The following ROBO2 variants were observed in gnomAD, a reference collection of about 807,000 sequenced individuals.
ROBO2 encodes roundabout homolog 2.
ROBO2 carries 53 observed loss-of-function variants against 160.8 expected under a neutral mutation model. The observed-to-expected ratio is 0.33, with a 90% CI of 0.26 to 0.41. The LOEUF (loss-of-function observed/expected upper bound fraction) is 0.41. ROBO2 is among the 10% of genes least tolerant of loss of function. The pLI, the probability that ROBO2 is intolerant of heterozygous loss-of-function variation, is 1.00. For synonymous variants in ROBO2, 664 were observed against 611.7 expected, an observed-to-expected ratio of 1.09 and a Z score of -1.26; for missense variants, 1,577 against 1,722.4, an observed-to-expected ratio of 0.92 and a Z score of 1.49.
At position 75,937,621 on chromosome 3, in the gene ROBO2, T is replaced by C. The variant is rs754140601; in HGVS notation, c.109+19T>C. ...GGCCAAGGTAAGTGCAAGGATGTTC[T>C]AATTCTTTGAGAGTTGGATGCGAAT... On this transcript the variant is annotated intron_variant, in intron 2 of 26. Transcript: ENST00000487694. The C allele has an allele frequency of 9.8e-6, 14 of 1,431,274 alleles. No homozygotes were observed. In the East Asian group the frequency reaches 3.2e-4, roughly 32 times the overall value. 88.7% of individuals were successfully genotyped at this position (1,431,274 alleles called of 1,614,324 possible).
intron 2 of ROBO2, among the ~76,000 whole-genome samples, chr3:76,996,147 T>A (rs1224269026): frequency 1.3e-5 from 2 of 152,182 alleles, no homozygotes; most frequent in Non-Finnish European, 2.9e-5. Context: ...AAGGAAGGGA[T>A]CCAGTTTCAG....
intron 2 of ROBO2, among the ~76,000 whole-genome samples, chr3:76,192,460 A>G (rs548876523): frequency 6.6e-6 from 1 of 151,240 alleles, no homozygotes; most frequent in East Asian, 2.0e-4. Flanking sequence ...TATTATTTTA[A>G]TTTCTAATTC....
At chr3:77,340,533 G>T (rs1201489852) in intron 2 of ROBO2, among the ~76,000 whole-genome samples, 2 of 151,982 alleles carry the variant, frequency 1.3e-5, no homozygotes, top group Non-Finnish European at 2.9e-5. Context: ...GGCAAAATAG[G>T]GTAAAAATTG....
chr3:76,024,190 A>T (rs1372659041), intron 2 of ROBO2, among the ~76,000 whole-genome samples: 1 of 151,478 alleles, frequency 6.6e-6, no homozygotes, highest in Admixed American at 6.6e-5. Context: ...TATAACATTA[A>T]AATGAGCCAT....
chr3:77,543,039 C>T (rs2092543922), intron 6 of ROBO2, among the ~76,000 whole-genome samples: 1 of 151,996 alleles, frequency 6.6e-6, no homozygotes, highest in Non-Finnish European at 1.5e-5. Context: ...CAGTGGGTCT[C>T]TGCCTTATGT....
intron 2 of ROBO2, among the ~76,000 whole-genome samples, chr3:76,252,038 T>C (rs1278887798): frequency 2.6e-5 from 4 of 151,998 alleles, no homozygotes; most frequent in Non-Finnish European, 5.9e-5. Context: ...CTTATGGTGG[T>C]TTTAAATAAA....
At chr3:76,577,410 A>C (rs1290881450) in intron 2 of ROBO2, among the ~76,000 whole-genome samples, 8 of 152,208 alleles carry the variant, frequency 5.3e-5, no homozygotes, top group East Asian at 1.9e-4. Context: ...GGAAACTAAT[A>C]AACTTTGCTG....
chr3:77,401,334 A>G (rs774388903), intron 2 of ROBO2, among the ~76,000 whole-genome samples: 43 of 151,970 alleles, frequency 2.8e-4, no homozygotes, highest in Non-Finnish European at 5.4e-4. Context: ...TCTTTCTAGA[A>G]TTCATGCAGT....
chr3:77,085,959 C>T (rs935657643), intron 1 of ROBO2, among the ~76,000 whole-genome samples: 3 of 151,940 alleles, frequency 2.0e-5, no homozygotes, highest in Admixed American at 6.6e-5. Flanking sequence ...TATTTAATAT[C>T]CCTTAGTTAT....
At chr3:76,869,342 GTTTT>G (rs34051755) in intron 2 of ROBO2, among the ~76,000 whole-genome samples, 1 of 71,390 alleles carries the variant, frequency 1.4e-5, no homozygotes, top group South Asian at 6.3e-4. Flanking sequence ...AGAAATTGAT[GTTTT>G]TTTTTTTTTT....
intron 2 of ROBO2, among the ~76,000 whole-genome samples, chr3:77,179,699 T>G (rs1457942989): frequency 2.0e-5 from 3 of 152,116 alleles, no homozygotes; most frequent in South Asian, 2.1e-4. Flanking sequence ...ACATTTAATC[T>G]CCTATAAAAT....
At chr3:77,647,003 G>A (rs1015969515) in exon 26 of ROBO2, 1 of 152,330 alleles carries the variant, frequency 6.6e-6, no homozygotes, top group African/African-American at 2.4e-5. Flanking sequence ...TCTCCAACTC[G>A]TTAAGTCAGA....
intron 2 of ROBO2, among the ~76,000 whole-genome samples, chr3:76,493,362 T>TATATATATATATATATATAC (rs2079953201): frequency 7.1e-6 from 1 of 141,476 alleles, no homozygotes; most frequent in South Asian, 2.2e-4. Flanking sequence ...TATATATATA[T>TATATATATATATATATATAC]ATAATTGTAT....
intron 24 of ROBO2, among the ~76,000 whole-genome samples, chr3:77,637,729 TC>T (rs1290539148): frequency 6.6e-6 from 1 of 152,210 alleles, no homozygotes; most frequent in African/African-American, 2.4e-5. Flanking sequence ...TATAGAATTT[TC>T]TGTGGTTTTT....
intron 2 of ROBO2, among the ~76,000 whole-genome samples, chr3:76,899,071 A>C (rs1443415740): frequency 6.6e-6 from 1 of 152,110 alleles, no homozygotes; most frequent in Non-Finnish European, 1.5e-5. Flanking sequence ...CGGATGTAGA[A>C]TGTACACAAC....
chr3:76,683,956 T>C (rs2092629327), intron 2 of ROBO2, among the ~76,000 whole-genome samples: 1 of 152,096 alleles, frequency 6.6e-6, no homozygotes, highest in South Asian at 2.1e-4. Context: ...TTTTATTAAA[T>C]TTCAGTTGTT....
At chr3:76,223,357 G>T (rs1263640406) in intron 2 of ROBO2, among the ~76,000 whole-genome samples, 4 of 151,856 alleles carry the variant, frequency 2.6e-5, no homozygotes, top group African/African-American at 9.7e-5. Flanking sequence ...GAGATGAAAA[G>T]GCTGATACCT....
At chr3:76,236,503 T>C (rs538308510) in intron 2 of ROBO2, among the ~76,000 whole-genome samples, 2 of 152,298 alleles carry the variant, frequency 1.3e-5, no homozygotes, top group African/African-American at 2.4e-5. Flanking sequence ...AAATCTGAGA[T>C]GTTCTTGCAA....
chr3:76,443,672 T>A (rs1048308344), intron 2 of ROBO2, among the ~76,000 whole-genome samples: 1 of 152,086 alleles, frequency 6.6e-6, no homozygotes, highest in Non-Finnish European at 1.5e-5. Context: ...TCAGTCCAAT[T>A]TTTTTTAGAG....
Sources: allele counts gnomAD v4.1 joint callset (sites outside exome capture counted in the v4.1 genomes callset), GRCh38; gene constraint gnomAD v4.1.1; transcripts MANE v1.5; gene names NCBI Gene and HGNC (gene_info 2026-07-23, HGNC 2026-07-21).